ZFYVE26: variants seen among roughly 807,000 people sequenced by gnomAD.
ZFYVE26 encodes the protein zinc finger FYVE domain-containing protein 26.
Under a neutral mutation model 276.5 loss-of-function variants are expected in ZFYVE26, and 181 were observed. The observed-to-expected ratio is 0.65, with a 90% CI of 0.58 to 0.74. ZFYVE26 has a LOEUF of 0.74. Among genes scored for constraint, ZFYVE26 ranks in the 30% least tolerant of loss-of-function variants. The probability of loss-of-function intolerance (pLI) is 0.00; values close to 1 mark genes in which losing one functional copy is unlikely to be tolerated. For missense variants in ZFYVE26, 2,821 were observed against 3,097.9 expected (o/e 0.91, Z 2.12); for synonymous variants, 1,129 against 1,203.1 (o/e 0.94, Z 1.27).
At position 67,798,376 on chromosome 14, in the gene ZFYVE26, T is replaced by C. The variant is rs1036039543; in HGVS notation, c.1886A>G (p.Lys629Arg). The C allele has an allele frequency of 1.2e-6, 2 of 1,610,362 alleles. No individual in the cohort carries two copies. Among genetic ancestry groups the C allele is most frequent in the Admixed American group, 3.4e-5 (2 of 59,610 alleles). ...SPQHIAHPERKSERGSLGVPK... is the reference protein window; with the variant it reads ...SPQHIAHPERRSERGSLGVPK... ...GACTCCCAGGGAACCCCGTTCTGAC[T>C]TCCTTTCAGGATGTGCTATGTGCTG... is the stretch of plus-strand genomic sequence containing the variant. The change falls in exon 11 of 42, where the codon AAG becomes AGG. Residue 629 changes from lysine (K) to arginine (R), a missense_variant. Lys to Arg is a conservative substitution (Grantham distance 26, BLOSUM62 2). Coordinates refer to ENST00000347230, the MANE Select transcript of ZFYVE26 (RefSeq NM_015346.4).
At chr14:67,755,902 G>A (rs764264384) in intron 36 of ZFYVE26, 46 bp downstream of exon 36, 1 of 1,605,708 alleles carries the variant, frequency 6.2e-7, no homozygotes, top group Non-Finnish European at 8.5e-7. Context: ...CCTGCAGGGT[G>A]GGGCACCAGC....
intron 2 of ZFYVE26, among the ~76,000 whole-genome samples, chr14:67,814,300 C>T (rs1180702002): frequency 2.0e-5 from 3 of 152,158 alleles, no homozygotes; most frequent in African/African-American, 7.2e-5. Context: ...GGGTGGATCA[C>T]CTGTGGTCAC....
At chr14:67,779,487 G>C (rs879654486) in intron 23 of ZFYVE26, among the ~76,000 whole-genome samples, 1 of 152,128 alleles carries the variant, frequency 6.6e-6, no homozygotes, top group Non-Finnish European at 1.5e-5. Flanking sequence ...ATCTGAACCC[G>C]GGAGGCGGAG....
intron 41 of ZFYVE26, chr14:67,750,484 G>A (rs1285916102): frequency 1.8e-5 from 3 of 168,428 alleles, no homozygotes; most frequent in Admixed American, 1.7e-4. Context: ...GGGGGCATCT[G>A]GGAAGATTTT....
chr14:67,757,772 T>G (rs962850632), intron 35 of ZFYVE26, among the ~76,000 whole-genome samples: 3 of 152,050 alleles, frequency 2.0e-5, no homozygotes, highest in African/African-American at 7.2e-5. Flanking sequence ...TGGAGTGCAG[T>G]GGCGCAATCT....
At chr14:67,777,452 A>C in intron 25 of ZFYVE26, 107 bp downstream of exon 25, 16 of 1,574,714 alleles carry the variant, frequency 1.0e-5, no homozygotes, top group African/African-American at 2.7e-5. Flanking sequence ...GTTCTGAAGA[A>C]GAGCTAGGCT....
chr14:67,799,514 G>A (rs547501400), intron 10 of ZFYVE26: 1 of 1,595,428 alleles, frequency 6.3e-7, no homozygotes, highest in Admixed American at 1.7e-5. Context: ...TCGGCAAAAG[G>A]AAATGGACAG....
chr14:67,732,986 G>A (rs1314116592), intron 13 of ZFYVE26, among the ~76,000 whole-genome samples: 1 of 152,058 alleles, frequency 6.6e-6, no homozygotes, highest in African/African-American at 2.4e-5. Flanking sequence ...TGGGGGGAGC[G>A]GGGAGGGATA....
chr14:67,751,119 T>A, intron 40 of ZFYVE26, 23 bp from the exon 41 acceptor site: 2 of 1,614,074 alleles, frequency 1.2e-6, no homozygotes, highest in Non-Finnish European at 1.7e-6. Flanking sequence ...GAAACAGCAC[T>A]GTGAGAGGGA....
At chr14:67,792,885 A>G (rs1273290849) in intron 14 of ZFYVE26, among the ~76,000 whole-genome samples, 1 of 124,524 alleles carries the variant, frequency 8.0e-6, no homozygotes, top group Non-Finnish European at 1.6e-5. Context: ...GCACTCCAGC[A>G]GCCTGGGTGA....
intron 21 of ZFYVE26, among the ~76,000 whole-genome samples, chr14:67,782,269 A>C (rs921825136): frequency 3.3e-5 from 5 of 152,192 alleles, no homozygotes; most frequent in African/African-American, 4.8e-5. Flanking sequence ...GTGGTCATCA[A>C]ACAGACCCAC....
chr14:67,807,698 G>A lies in ZFYVE26; in HGVS notation c.586C>T (p.Leu196Phe). ...AAAGCCCGCAATGCCTTTCGAATGA[G>A]GTCCACCAGTGCATTCTGCAGAGGC... ...HWPLQNALVD[L>F]IRKALRALQG... The change falls in exon 5 of 42, where the codon CTC becomes TTC. Residue 196 changes from leucine (L) to phenylalanine (F), a missense_variant. Transcript: ENST00000347230. 6.2e-7 allele frequency: 1 copy of A among 1,614,198 alleles called. No homozygotes were observed. Among genetic ancestry groups the A allele is most frequent in the Non-Finnish European group, 8.5e-7 (1 of 1,180,034 alleles).
intron 10 of ZFYVE26, chr14:67,798,914 C>T: frequency 9.9e-7 from 1 of 1,006,378 alleles, no homozygotes. Context: ...GGGGAGGGCG[C>T]TGAGCTCCGC....
At chr14:67,799,014 GA>G in intron 10 of ZFYVE26, 4 of 1,156,042 alleles carry the variant, frequency 3.5e-6, no homozygotes, top group Non-Finnish European at 5.2e-6. Context: ...CAGATCCTGG[GA>G]AAAGTCTATT....
chr14:67,803,112 TG>T (rs1343124822), intron 9 of ZFYVE26, among the ~76,000 whole-genome samples: 1 of 152,162 alleles, frequency 6.6e-6, no homozygotes, highest in Non-Finnish European at 1.5e-5. Flanking sequence ...TCCCAACTAC[TG>T]GGGAGGCTGA....
chr14:67,794,371 C>A lies in ZFYVE26; in HGVS notation c.2333-132G>T, dbSNP rs533106650. 8.9e-6 allele frequency: 8 copies of A among 901,414 alleles called. No homozygotes were observed. The South Asian group carries it at 1.1e-4, about 12-fold the overall frequency. 55.8% of individuals were successfully genotyped at this position (901,414 alleles called of 1,614,324 possible). On this transcript the variant is annotated intron_variant, in intron 12 of 41. Transcript: ENST00000347230. ...TAATGAATAACTATGACACCTGCTGCTCCTTCTACAGCAAAACACAAGCTC... is the reference window on the plus strand; with the variant it reads ...TAATGAATAACTATGACACCTGCTGATCCTTCTACAGCAAAACACAAGCTC...
Position 67,782,865 on chromosome 14 carries a change from G to A in ZFYVE26, c.4287C>T (p.Ala1429=), listed in dbSNP as rs2140222673. 1.2e-6 allele frequency: 2 copies of A among 1,614,192 alleles called. No homozygotes were observed. Among genetic ancestry groups the A allele is most frequent in the Non-Finnish European group, 1.7e-6 (2 of 1,180,030 alleles). ...GCCCGTACACTTCAGTGAGCTGAAG[G>A]GCCCGGGACCAATCTCTGGCCACCA... ...ESLVARDWSR[A]LQLTEVYGRD... is the part of the protein sequence containing the mutation. The change falls in exon 21 of 42, where the codon GCC becomes GCT. Residue 1429 remains alanine (A), a synonymous_variant. Transcript: ENST00000347230.
chr14:67,773,892 G>A (rs1401921408), intron 27 of ZFYVE26, among the ~76,000 whole-genome samples: 1 of 152,178 alleles, frequency 6.6e-6, no homozygotes, highest in Non-Finnish European at 1.5e-5. Context: ...ACACTTGGCT[G>A]AGCTTCTTTC....
At chr14:67,791,136 G>C (rs2039803289) in intron 14 of ZFYVE26, among the ~76,000 whole-genome samples, 1 of 152,156 alleles carries the variant, frequency 6.6e-6, no homozygotes, top group Non-Finnish European at 1.5e-5. Context: ...ATCCTCAGGA[G>C]ATGGTGTAAC....
Sources: allele counts gnomAD v4.1 joint callset (sites outside exome capture counted in the v4.1 genomes callset), GRCh38; gene constraint gnomAD v4.1.1; transcripts MANE v1.5; gene names NCBI Gene and HGNC (gene_info 2026-07-23, HGNC 2026-07-21).